The following ANO6 variants were observed in gnomAD, a reference collection of about 807,000 sequenced individuals.
ANO6 encodes anoctamin 6.
In ANO6, 106 loss-of-function variants were observed where a neutral mutation model predicts 117.5. That is an observed-to-expected ratio of 0.90 (90% CI 0.77 to 1.06). The LOEUF is 1.06. Ranked by LOEUF, ANO6 falls within the 50% of genes least tolerant of loss-of-function variation. The pLI is 0.00. For missense variants in ANO6, 955 were observed against 1,121.1 expected, an observed-to-expected ratio of 0.85 and a Z score of 2.12; for synonymous variants, 367 against 385.1, an observed-to-expected ratio of 0.95 and a Z score of 0.55.
intron 1 of ANO6, chr12:45,292,636 C>CA: frequency 8.7e-7 from 1 of 1,151,676 alleles, no homozygotes; most frequent in East Asian, 4.9e-5. Flanking sequence ...CCAGCTCTTC[C>CA]AAAGGACGCA....
intron 12 of ANO6, among the ~76,000 whole-genome samples, chr12:45,399,792 A>T (rs1408890371): frequency 6.6e-6 from 1 of 152,220 alleles, no homozygotes; most frequent in African/African-American, 2.4e-5. Context: ...TAGCAAAAGC[A>T]ATCAGTGTTC....
At chr12:45,309,467 G>A (rs1340695057) in intron 2 of ANO6, among the ~76,000 whole-genome samples, 4 of 152,060 alleles carry the variant, frequency 2.6e-5, no homozygotes, top group African/African-American at 4.8e-5. Context: ...TTGCCCTGAG[G>A]TGTGAAAGGT....
chr12:45,226,651 A>G (rs562204610), intron 1 of ANO6, among the ~76,000 whole-genome samples: 1 of 152,266 alleles, frequency 6.6e-6, no homozygotes, highest in East Asian at 1.9e-4. Context: ...TAGATGTTTG[A>G]AAAATAATCT....
At chr12:45,382,954 A>G (rs936950324) in intron 10 of ANO6, among the ~76,000 whole-genome samples, 1 of 152,184 alleles carries the variant, frequency 6.6e-6, no homozygotes, top group Non-Finnish European at 1.5e-5. Context: ...TAAGACAACA[A>G]TGAAGTTTGC....
chr12:45,400,682 C>G (rs935834053), intron 12 of ANO6, among the ~76,000 whole-genome samples: 3 of 152,124 alleles, frequency 2.0e-5, no homozygotes, highest in Non-Finnish European at 4.4e-5. Flanking sequence ...TATTGAAGCC[C>G]CAGTGGAGCT....
intron 2 of ANO6, among the ~76,000 whole-genome samples, chr12:45,325,245 A>G (rs1405169006): frequency 6.6e-6 from 1 of 152,196 alleles, no homozygotes; most frequent in Non-Finnish European, 1.5e-5. Context: ...CTATTTCTTT[A>G]AAAGTTTAGA....
chr12:45,242,068 A>G (rs772150050), intron 1 of ANO6, among the ~76,000 whole-genome samples: 1 of 152,230 alleles, frequency 6.6e-6, no homozygotes, highest in South Asian at 2.1e-4. Flanking sequence ...CTCAGAGCTC[A>G]GACACCATGC....
intron 11 of ANO6, among the ~76,000 whole-genome samples, chr12:45,388,587 C>CA (rs1248998442): frequency 2.7e-4 from 41 of 152,032 alleles, no homozygotes; most frequent in East Asian, 9.7e-4. Context: ...AGTAAAAATA[C>CA]AAAAAAATAA....
chr12:45,313,590 A>G (rs189611699), intron 2 of ANO6: 1 of 152,092 alleles, frequency 6.6e-6, no homozygotes, highest in East Asian at 1.9e-4. Flanking sequence ...TCCCTTTCAA[A>G]TGAAATCAGA....
chr12:45,224,709 T>C (rs1044829711), intron 1 of ANO6, among the ~76,000 whole-genome samples: 3 of 152,200 alleles, frequency 2.0e-5, no homozygotes, highest in African/African-American at 7.2e-5. Context: ...ATTTGTATTT[T>C]AGCTGTATAC....
At chr12:45,357,187 A>C (rs1941432653) in intron 7 of ANO6, 103 bp from the exon 8 acceptor site, 1 of 1,349,238 alleles carries the variant, frequency 7.4e-7, no homozygotes, top group South Asian at 1.2e-5. Context: ...AGTCAGATTT[A>C]AGCTTAAAGC....
At chr12:45,392,109 G>GT (rs1942469769) in intron 12 of ANO6, among the ~76,000 whole-genome samples, 2 of 152,196 alleles carry the variant, frequency 1.3e-5, no homozygotes, top group Admixed American at 1.3e-4. Flanking sequence ...AAGGGAAGCC[G>GT]TGACAGACTA....
intron 1 of ANO6, among the ~76,000 whole-genome samples, chr12:45,227,355 T>C (rs1435503932): frequency 6.6e-6 from 1 of 152,304 alleles, no homozygotes; most frequent in Admixed American, 6.5e-5. Flanking sequence ...AATTGGCTGC[T>C]GTTGATATAG....
chr12:45,430,624 CA>C lies in ANO6; in HGVS notation c.*1315del. The stretch of plus-strand genomic sequence containing the variant: ...TTGATTTTTTAGCCTCCTCTAGAGC[CA>C]ATCAGGCAGTTAAGAGTAATAAAGG... On this transcript the variant is annotated 3_prime_UTR_variant, in exon 20 of 20. Transcript: ENST00000320560. 1 of 985,340 alleles carries C rather than the reference CA, an allele frequency of 1.0e-6. No individual in the cohort carries two copies. Among genetic ancestry groups the C allele is most frequent in the Non-Finnish European group, 1.2e-6 (1 of 829,920 alleles). 61.0% of individuals were successfully genotyped at this position (985,340 alleles called of 1,614,324 possible).
intron 1 of ANO6, among the ~76,000 whole-genome samples, chr12:45,285,379 G>A (rs1187039702): frequency 6.6e-6 from 1 of 152,242 alleles, no homozygotes; most frequent in Non-Finnish European, 1.5e-5. Flanking sequence ...TTGATTATTT[G>A]TGGAGAAAAC....
chr12:45,424,466 T>C (rs558820037), intron 19 of ANO6, among the ~76,000 whole-genome samples: 1 of 150,640 alleles, frequency 6.6e-6, no homozygotes, highest in African/African-American at 2.4e-5. Flanking sequence ...GCCTCCCAAG[T>C]ACCTGGGACT....
intron 3 of ANO6, among the ~76,000 whole-genome samples, chr12:45,342,414 T>G (rs945292369): frequency 6.6e-6 from 1 of 152,220 alleles, no homozygotes; most frequent in Non-Finnish European, 1.5e-5. Flanking sequence ...TAAGCCTCAT[T>G]CCTTTTGTCA....
intron 1 of ANO6, among the ~76,000 whole-genome samples, chr12:45,219,932 A>T (rs747707523): frequency 1.8e-4 from 27 of 152,260 alleles, no homozygotes; most frequent in Non-Finnish European, 3.1e-4. Context: ...TGGAGATCAC[A>T]TATTGTTGCA....
downstream of ANO6, among the ~76,000 whole-genome samples, chr12:45,435,150 C>T (rs1346320716): frequency 6.6e-6 from 1 of 152,194 alleles, no homozygotes; most frequent in Non-Finnish European, 1.5e-5. Context: ...GATGTCTCCT[C>T]AGAGCTTTTT....
Sources: allele counts gnomAD v4.1 joint callset (sites outside exome capture counted in the v4.1 genomes callset), GRCh38; gene constraint gnomAD v4.1.1; transcripts MANE v1.5; gene names NCBI Gene and HGNC (gene_info 2026-07-23, HGNC 2026-07-21).